Variants in ZNF624 observed in about 807,000 individuals in gnomAD.
ZNF624 encodes zinc finger protein 624.
In ZNF624, 43 loss-of-function variants were observed where a neutral mutation model predicts 74.7. The ratio of observed to expected loss-of-function variants is 0.58; its 90% CI spans 0.45 to 0.74. ZNF624 has a LOEUF of 0.74. Ranked by LOEUF, ZNF624 falls within the 30% of genes least tolerant of loss-of-function variation. The pLI, the probability that ZNF624 is intolerant of heterozygous loss-of-function variation, is 0.00. For missense variants in ZNF624, 820 were observed against 1,030.0 expected (o/e 0.80, Z 2.79); for synonymous variants, 331 against 341.3 (o/e 0.97, Z 0.33).
At chr17:16,617,503 T>A, downstream of ZNF624, 1 of 1,597,816 alleles carries the variant, frequency 6.3e-7, no homozygotes, top group South Asian at 1.1e-5. Context: ...CATAAAATCC[T>A]TTAAATCTCT....
In ZNF624 at chr17:16,634,074, T is replaced by G. The variant is rs1222817548; in HGVS notation, c.281-117A>C. On this transcript the variant is annotated intron_variant, in intron 4 of 5. Transcript: ENST00000311331. ...TGACCATTACAGGAAGTTCTAGAGC[T>G]GCACTGTCTGATACAGTTGCCAATT... 4.9e-5 allele frequency: 34 copies of G among 691,900 alleles called. No homozygotes were observed. The East Asian group carries it at 8.4e-4, about 17-fold the overall frequency. The allele number at this position is 691,900 out of a possible 1,614,324, so 42.9% of individuals were successfully genotyped here.
intron 1 of ZNF624, among the ~76,000 whole-genome samples, chr17:16,650,602 G>A (rs1366240696): frequency 6.6e-6 from 1 of 152,130 alleles, no homozygotes; most frequent in Non-Finnish European, 1.5e-5. Context: ...CTAATGATAT[G>A]TATGGCCTTG....
At chr17:16,629,179 CAG>C (rs1168243911) in intron 5 of ZNF624, among the ~76,000 whole-genome samples, 24 of 121,336 alleles carry the variant, frequency 2.0e-4, no homozygotes, top group Non-Finnish European at 3.5e-4. Flanking sequence ...GCCTGGGCGA[CAG>C]AGCGAGACTC....
Position 16,623,402 on chromosome 17 carries a change from G to C in ZNF624, c.1484C>G (p.Thr495Ser). The change falls in exon 6 of 6, where the codon ACT becomes AGT. Residue 495 changes from threonine to serine, a missense_variant. Coordinates refer to ENST00000311331, the MANE Select transcript of ZNF624 (RefSeq NM_020787.4). This position sits in a 1 kb window ranked among gnomAD's most constrained non-coding sequence, Gnocchi z 5.3. ...ATTACATTCATAGGGTTTTTCCCCAGTGTGAGTTCTTATATGTACGATAAG... is the reference window on the plus strand; with the variant it reads ...ATTACATTCATAGGGTTTTTCCCCACTGTGAGTTCTTATATGTACGATAAG... The part of the protein sequence containing the change: ...SSLIVHIRTH[T>S]GEKPYECNEC... The C allele has an allele frequency of 6.2e-7, 1 of 1,614,016 alleles. No individual in the cohort carries two copies. The highest frequency in any genetic ancestry group is 2.2e-5 in the East Asian group (1 of 44,870).
intron 3 of ZNF624, among the ~76,000 whole-genome samples, chr17:16,639,277 G>A (rs1225498554): frequency 2.0e-5 from 3 of 152,154 alleles, no homozygotes; most frequent in African/African-American, 7.2e-5. Context: ...ATTTAGATAT[G>A]TATGCTTGTC....
intron 5 of ZNF624, among the ~76,000 whole-genome samples, chr17:16,625,387 G>A (rs1440044219): frequency 1.3e-5 from 2 of 152,106 alleles, no homozygotes; most frequent in African/African-American, 4.8e-5. Flanking sequence ...TCGCCATGTT[G>A]GCCAGGCTGG....
At chr17:16,650,641 G>A (rs1239787599) in intron 1 of ZNF624, among the ~76,000 whole-genome samples, 1 of 152,150 alleles carries the variant, frequency 6.6e-6, no homozygotes, top group African/African-American at 2.4e-5. Context: ...CAAGAACCAG[G>A]AGTGCCTGAT....
intron 3 of ZNF624, among the ~76,000 whole-genome samples, chr17:16,635,256 TGAAAAA>T (rs574310108): frequency 1.1e-3 from 164 of 152,150 alleles, no homozygotes; most frequent in African/African-American, 3.9e-3. Context: ...GCTTTCTCTT[TGAAAAA>T]GAAAAATAAA....
intron 5 of ZNF624, among the ~76,000 whole-genome samples, chr17:16,625,006 T>TA (rs1172977566): frequency 6.8e-6 from 1 of 146,804 alleles, no homozygotes; most frequent in Non-Finnish European, 1.5e-5. Context: ...CACTGCATTC[T>TA]ACCCTGGGTG....
chr17:16,633,706 G>T (rs538428686), intron 5 of ZNF624, among the ~76,000 whole-genome samples, 156 bp downstream of exon 5: 62 of 152,198 alleles, frequency 4.1e-4, no homozygotes, highest in African/African-American at 1.4e-3. Context: ...AGAGAAGATG[G>T]GGGTGAGAGG....
At chr17:16,631,774 A>T (rs544908249) in intron 5 of ZNF624, 8 of 152,350 alleles carry the variant, frequency 5.3e-5, no homozygotes, top group African/African-American at 1.9e-4. Context: ...AGACTGAGTA[A>T]GACAAAATAA....
In ZNF624 at chr17:16,623,536, C is replaced by T. The variant is rs1908982629; in HGVS notation, c.1350G>A (p.Gly450=). ...EEKPYQCNEC[G]KSFKNTTIFN... ...AAATTGTGGTATTCTTAAAAGACTT[C>T]CCACACTCGTTGCACTGATATGGTT... The change falls in exon 6 of 6, where the codon GGG becomes GGA. Residue 450 remains glycine (G), a synonymous_variant. Transcript: ENST00000311331. The surrounding 1 kb of genome is among the most constrained non-coding windows in gnomAD (Gnocchi z 5.3). 6.2e-7 allele frequency: 1 copy of T among 1,610,088 alleles called. No individual in the cohort carries two copies. Among genetic ancestry groups the T allele is most frequent in the Non-Finnish European group, 8.5e-7 (1 of 1,178,596 alleles).
At chr17:16,615,958 T>TATAC (rs1555903484), downstream of ZNF624, among the ~76,000 whole-genome samples, 9 of 35,268 alleles carry the variant, frequency 2.6e-4, no homozygotes, top group East Asian at 1.9e-3. Context: ...TCCATATACA[T>TATAC]ATATATATAT....
At chr17:16,631,766 A>C (rs1282230817) in intron 5 of ZNF624, 1 of 152,224 alleles carries the variant, frequency 6.6e-6, no homozygotes. Context: ...CTCTAGCAAG[A>C]CTGAGTAAGA....
intron 4 of ZNF624, among the ~76,000 whole-genome samples, chr17:16,634,300 T>C (rs1405199655): frequency 1.3e-5 from 2 of 152,196 alleles, no homozygotes; most frequent in African/African-American, 2.4e-5. Context: ...GGTGGGATAA[T>C]AGATTGTGGA....
chr17:16,649,874 G>A (rs567949418), intron 1 of ZNF624, 128 bp from the exon 2 acceptor site: 1 of 692,526 alleles, frequency 1.4e-6, no homozygotes, highest in Admixed American at 2.5e-5. Context: ...CTTAAGATCA[G>A]TGAGGGACAA....
intron 3 of ZNF624, 55 bp from the exon 4 acceptor site, chr17:16,634,811 A>G: frequency 6.5e-7 from 1 of 1,534,438 alleles, no homozygotes; most frequent in Non-Finnish European, 8.8e-7. Context: ...CTTGTTAGGC[A>G]GAATTATACA....
intron 3 of ZNF624, 71 bp downstream of exon 3, chr17:16,647,258 A>C: frequency 7.9e-7 from 1 of 1,266,706 alleles, no homozygotes; most frequent in Non-Finnish European, 1.2e-6. Context: ...TTAACTGGGA[A>C]CATTGAGAAT....
At chr17:16,638,284 A>G (rs1909382411) in intron 3 of ZNF624, among the ~76,000 whole-genome samples, 1 of 152,190 alleles carries the variant, frequency 6.6e-6, no homozygotes, top group African/African-American at 2.4e-5. Context: ...AACTAGTTCA[A>G]CCATTGTGGA....
Sources: allele counts gnomAD v4.1 joint callset (sites outside exome capture counted in the v4.1 genomes callset), GRCh38; gene constraint gnomAD v4.1.1; non-coding constraint Gnocchi (gnomAD v3.1); transcripts MANE v1.5; gene names NCBI Gene and HGNC (gene_info 2026-07-23, HGNC 2026-07-21).